Variants in MERTK observed in about 807,000 individuals in gnomAD.
MERTK encodes tyrosine-protein kinase Mer.
Under a neutral mutation model 99.3 loss-of-function variants are expected in MERTK, and 69 were observed. The observed-to-expected ratio is 0.70, with a 90% CI of 0.57 to 0.85. The LOEUF is 0.85. Ranked by LOEUF, MERTK falls within the 40% of genes least tolerant of loss-of-function variation. MERTK has a pLI of 0.00. For missense variants in MERTK, 1,125 were observed against 1,249.4 expected, an observed-to-expected ratio of 0.90 and a Z score of 1.50; for synonymous variants, 426 against 467.6, an observed-to-expected ratio of 0.91 and a Z score of 1.15.
At position 111,974,755 on chromosome 2, in the gene MERTK, G is replaced by T. The variant is rs1306534348; in HGVS notation, c.961-534G>T. Among the ~76,000 whole-genome samples, 3 of 112,614 alleles carry T rather than the reference G, an allele frequency of 2.7e-5. No homozygotes were observed. In the East Asian group the frequency reaches 7.5e-4, roughly 28 times the overall value. The allele number at this position is 112,614 out of a possible 152,430, so 73.9% of individuals were successfully genotyped here. ...CTGCACTCCAGCCTGGGCAAAGAGA[G>T]CGAAGGTCCATCTCAAAAAAAAAAA... On this transcript the variant is annotated intron_variant, in intron 6 of 18. Coordinates refer to ENST00000295408, the MANE Select transcript of MERTK (RefSeq NM_006343.3).
intron 16 of MERTK, 81 bp downstream of exon 16, chr2:112,019,603 T>C (rs1677291164): frequency 3.8e-6 from 4 of 1,063,664 alleles, no homozygotes; most frequent in Non-Finnish European, 5.9e-6. Context: ...GACCTGTTCC[T>C]GTTTAGATAG....
intron 1 of MERTK, among the ~76,000 whole-genome samples, chr2:111,900,472 G>A (rs1486843833): frequency 1.3e-5 from 2 of 152,172 alleles, no homozygotes; most frequent in African/African-American, 2.4e-5. Flanking sequence ...AGGACTGGCC[G>A]TGAATAGTCT....
At chr2:111,950,707 A>G (rs531359903) in intron 4 of MERTK, among the ~76,000 whole-genome samples, 2 of 152,320 alleles carry the variant, frequency 1.3e-5, no homozygotes, top group South Asian at 4.1e-4. Flanking sequence ...TGTGCTTATT[A>G]ATCAGTCATG....
chr2:111,977,053 A>C (rs1265211746), intron 7 of MERTK, among the ~76,000 whole-genome samples: 1 of 152,192 alleles, frequency 6.6e-6, no homozygotes, highest in East Asian at 1.9e-4. Flanking sequence ...AATCTTTTAC[A>C]AAGAGATTTA....
At chr2:112,023,999 A>C (rs987755301) in intron 18 of MERTK, among the ~76,000 whole-genome samples, 1 of 152,174 alleles carries the variant, frequency 6.6e-6, no homozygotes, top group South Asian at 2.1e-4. Context: ...AAAGAAGGAC[A>C]CTGTTTTAAT....
chr2:111,973,982 T>C (rs1210534333), intron 6 of MERTK, among the ~76,000 whole-genome samples: 2 of 115,212 alleles, frequency 1.7e-5, no homozygotes, highest in African/African-American at 6.3e-5. Context: ...CTTTGCTATA[T>C]CTCCTCATCA....
intron 1 of MERTK, among the ~76,000 whole-genome samples, chr2:111,914,439 G>C (rs956934885): frequency 6.6e-6 from 1 of 151,870 alleles, no homozygotes; most frequent in South Asian, 2.1e-4. Flanking sequence ...CACTGCGCCC[G>C]GCCTAATTTT....
At position 111,940,910 on chromosome 2, in the gene MERTK, C is replaced by T. The variant is rs1684854350; in HGVS notation, c.483-4050C>T. Reference sequence around the variant, plus strand: ...ATGTTTCTTAAATTACCTCTGTCTTCAGTCTTGTAGTATCTGATTTTCTGG... The same window carrying T: ...ATGTTTCTTAAATTACCTCTGTCTTTAGTCTTGTAGTATCTGATTTTCTGG... On this transcript the variant is annotated intron_variant, in intron 2 of 18. Transcript: ENST00000295408. 74 of 689,508 alleles carry T rather than the reference C, an allele frequency of 1.1e-4. 2 individuals are homozygous for T. Among genetic ancestry groups the T allele is most frequent in the South Asian group, 1.0e-3 (74 of 72,926 alleles). The allele number at this position is 689,508 out of a possible 1,614,324, so 42.7% of individuals were successfully genotyped here. A position where few individuals can be genotyped will look rare whatever the true frequency, so the allele number is the denominator to read the frequency against.
chr2:112,006,495 A>G (rs1558804825), intron 13 of MERTK, among the ~76,000 whole-genome samples: 3 of 152,244 alleles, frequency 2.0e-5, no homozygotes, highest in East Asian at 1.9e-4. Context: ...TCTGAGCCTC[A>G]CAGTGCATCT....
intron 1 of MERTK, among the ~76,000 whole-genome samples, chr2:111,926,861 C>T (rs1266926943): frequency 6.6e-6 from 1 of 152,218 alleles, no homozygotes; most frequent in Non-Finnish European, 1.5e-5. Context: ...AGGGGAGCCC[C>T]CTCCTCCTAC....
At chr2:112,006,030 A>G (rs1045136991) in intron 13 of MERTK, among the ~76,000 whole-genome samples, 2 of 151,958 alleles carry the variant, frequency 1.3e-5, no homozygotes, top group Admixed American at 6.6e-5. Flanking sequence ...ACAGGCATGC[A>G]CCACCATGCC....
At chr2:111,981,528 A>C (rs1227640562) in intron 7 of MERTK, among the ~76,000 whole-genome samples, 2 of 152,268 alleles carry the variant, frequency 1.3e-5, no homozygotes, top group East Asian at 3.9e-4. Context: ...ATAATTATTG[A>C]CCAAGCATTG....
chr2:111,944,487 C>T (rs1303817643), intron 2 of MERTK, among the ~76,000 whole-genome samples: 4 of 1,230 alleles, frequency 3.3e-3, no homozygotes, highest in African/African-American at 0.012. Context: ...TTTATTAATT[C>T]CTAAATTATG....
rs747537140 is a variant in MERTK at position 111,968,231 on chromosome 2, G to A, written c.939G>A (p.Pro313=). ...SWVPGFDGYS[P]FRNCSIQVKE... ...TTCCTGGTTTTGATGGATACTCCCCGTTCAGGAATTGCAGCATTCAGGTAA... is the reference window on the plus strand; with the variant it reads ...TTCCTGGTTTTGATGGATACTCCCCATTCAGGAATTGCAGCATTCAGGTAA... The change falls in exon 6 of 19, where the codon CCG becomes CCA. Residue 313 remains proline, a synonymous_variant. Coordinates refer to ENST00000295408, the MANE Select transcript of MERTK (RefSeq NM_006343.3). 1.5e-5 allele frequency: 24 copies of A among 1,613,440 alleles called. No individual in the cohort carries two copies. In the Admixed American group the frequency reaches 3.2e-4, roughly 21 times the overall value.
At chr2:111,976,602 A>G (rs1676258180) in intron 7 of MERTK, among the ~76,000 whole-genome samples, 1 of 151,932 alleles carries the variant, frequency 6.6e-6, no homozygotes, top group South Asian at 2.1e-4. Flanking sequence ...ATATACACAC[A>G]TATATACACA....
chr2:111,916,016 A>C (rs1424054467), intron 1 of MERTK, among the ~76,000 whole-genome samples: 1 of 152,212 alleles, frequency 6.6e-6, no homozygotes, highest in African/African-American at 2.4e-5. Context: ...GATTTCAGTT[A>C]TTTTTAATTT....
intron 3 of MERTK, among the ~76,000 whole-genome samples, chr2:111,947,071 G>A (rs749733540): frequency 1.3e-5 from 2 of 152,154 alleles, no homozygotes; most frequent in Admixed American, 6.5e-5. Context: ...TCAGGAGTTC[G>A]AGGCCAGCCT....
Position 112,024,464 on chromosome 2 carries a change from C to T in MERTK, c.2486+2070C>T, listed in dbSNP as rs565291309. On this transcript the variant is annotated intron_variant, in intron 18 of 18. Coordinates refer to ENST00000295408, the MANE Select transcript of MERTK (RefSeq NM_006343.3). ...CAGAGAGGGGCGAACCTGCCACCCC[C>T]GCCTCCTGTGGGCTCTGTGCCCTGG... is the stretch of plus-strand genomic sequence containing the variant. Among the ~76,000 whole-genome samples the T allele has an allele frequency of 3.9e-5, 6 of 152,324 alleles. No homozygotes were observed. The East Asian group carries it at 5.8e-4, about 15-fold the overall frequency.
At chr2:112,022,679 T>G in intron 18 of MERTK, 1 of 641,236 alleles carries the variant, frequency 1.6e-6, no homozygotes, top group Non-Finnish European at 2.9e-6. Context: ...TGTCCTAAAA[T>G]TCCTTACACA....
Sources: gnomAD v4.1 joint callset for allele counts (sites outside exome capture counted in the v4.1 genomes callset) on GRCh38, gnomAD v4.1.1 for gene constraint, MANE v1.5 for transcripts, NCBI Gene and HGNC (gene_info 2026-07-23, HGNC 2026-07-21) for gene names.